Variants in ALCAM observed in about 807,000 individuals in gnomAD.
The protein encoded by ALCAM is CD166 antigen.
ALCAM carries 30 observed loss-of-function variants against 70.9 expected under a neutral mutation model. The observed-to-expected ratio is 0.42, with a 90% confidence interval of 0.32 to 0.57. The LOEUF (loss-of-function observed/expected upper bound fraction) is 0.57. Among genes scored for constraint, ALCAM ranks in the 20% least tolerant of loss-of-function variants. The pLI, the probability that ALCAM is intolerant of heterozygous loss-of-function variation, is 0.11. For synonymous variants in ALCAM, 249 were observed against 242.5 expected (o/e 1.03, Z -0.25); for missense variants, 591 against 695.1 (o/e 0.85, Z 1.68).
chr3:105,528,966 A>C (rs1032609448), intron 3 of ALCAM, among the ~76,000 whole-genome samples: 8 of 152,196 alleles, frequency 5.3e-5, no homozygotes, highest in Admixed American at 4.6e-4. Context: ...TGTTGCCATG[A>C]ATATCAGCTG....
chr3:105,500,493 T>G (rs1055712596), intron 1 of ALCAM, among the ~76,000 whole-genome samples: 1 of 152,316 alleles, frequency 6.6e-6, no homozygotes, highest in East Asian at 1.9e-4. Flanking sequence ...AAATTTAATA[T>G]ACGAAAGTTA....
In ALCAM at chr3:105,377,382, C is replaced by T. The variant is rs74335664; in HGVS notation, c.73+9901C>T. Among the ~76,000 whole-genome samples the T allele has an allele frequency of 7.6e-3, 1,159 of 152,126 alleles. 3 individuals carry two copies. Among genetic ancestry groups the T allele is most frequent in the Non-Finnish European group, 0.012 (819 of 67,940 alleles). ...CTTGGAAGTGAAGTTACTGAGTCAACGATGTGTTTTTCATTTAGAAAGAAA... is the reference window on the plus strand; with the variant it reads ...CTTGGAAGTGAAGTTACTGAGTCAATGATGTGTTTTTCATTTAGAAAGAAA... On this transcript the variant is annotated intron_variant, in intron 1 of 15. Coordinates refer to ENST00000306107, the MANE Select transcript of ALCAM (RefSeq NM_001627.4).
chr3:105,460,124 A>AT (rs1937583601), intron 1 of ALCAM, among the ~76,000 whole-genome samples: 1 of 152,068 alleles, frequency 6.6e-6, no homozygotes, highest in Admixed American at 6.6e-5. Context: ...TCTCTCTGGT[A>AT]TGACTAATTG....
At chr3:105,490,236 G>T (rs1938544056) in intron 1 of ALCAM, among the ~76,000 whole-genome samples, 1 of 152,170 alleles carries the variant, frequency 6.6e-6, no homozygotes, top group Non-Finnish European at 1.5e-5. Context: ...AATACCAACT[G>T]TTTGAAGTGT....
At chr3:105,430,269 T>C (rs13097669) in intron 1 of ALCAM, among the ~76,000 whole-genome samples, 106,993 of 151,780 alleles carry the variant, frequency 0.7, 38,006 homozygotes, top group East Asian at 0.93. Flanking sequence ...AAAATTCATA[T>C]TTTATTCAGT....
In ALCAM at chr3:105,533,551, T is replaced by C. The variant is rs369564690; in HGVS notation, c.460-52T>C. The C allele has an allele frequency of 3.7e-4, 558 of 1,524,936 alleles. 3 individuals carry two copies. In the African/African-American group the frequency reaches 6.9e-3, roughly 19 times the overall value. 94.5% of individuals were successfully genotyped at this position (1,524,936 alleles called of 1,614,324 possible). A position where few individuals can be genotyped will look rare whatever the true frequency, so the allele number is the denominator to read the frequency against. On this transcript the variant is annotated intron_variant, in intron 4 of 15. Transcript: ENST00000306107. Reference sequence around the variant, plus strand: ...TGCCTGAGTTTCTGGAGTTTCCAAATTGACAGCCCCTGATTGAACCAAGGT... The same window carrying C: ...TGCCTGAGTTTCTGGAGTTTCCAAACTGACAGCCCCTGATTGAACCAAGGT...
intron 1 of ALCAM, among the ~76,000 whole-genome samples, chr3:105,470,294 G>T (rs547587412): frequency 6.6e-6 from 1 of 150,756 alleles, no homozygotes; most frequent in East Asian, 1.9e-4. Flanking sequence ...GTCTCAGAAG[G>T]CTGCAATCAA....
chr3:105,480,936 G>A (rs914364838), intron 1 of ALCAM, among the ~76,000 whole-genome samples: 3 of 152,104 alleles, frequency 2.0e-5, no homozygotes, highest in Non-Finnish European at 4.4e-5. Flanking sequence ...GCACCAGAGA[G>A]TGAAATCCTG....
chr3:105,505,324 C>A (rs1487783744), intron 1 of ALCAM, among the ~76,000 whole-genome samples: 4 of 152,060 alleles, frequency 2.6e-5, no homozygotes, highest in African/African-American at 9.7e-5. Flanking sequence ...TGAAGAGGAA[C>A]CAGGGACATC....
At chr3:105,545,698 C>T (rs1017227029) in intron 9 of ALCAM, among the ~76,000 whole-genome samples, 1 of 151,380 alleles carries the variant, frequency 6.6e-6, no homozygotes, top group African/African-American at 2.4e-5. Flanking sequence ...TTTACAACAA[C>T]CCTGTGAAAT....
chr3:105,541,880 T>C, intron 8 of ALCAM, 115 bp downstream of exon 8: 1 of 1,234,794 alleles, frequency 8.1e-7, no homozygotes, highest in Non-Finnish European at 1.1e-6. Context: ...TTGGTTGCAA[T>C]AGATGCAGTA....
chr3:105,560,573 C>T (rs542253041), intron 14 of ALCAM, among the ~76,000 whole-genome samples: 28 of 152,160 alleles, frequency 1.8e-4, no homozygotes, highest in Admixed American at 7.9e-4. Flanking sequence ...CTATTATGTT[C>T]GTGCTTTTTG....
intron 1 of ALCAM, among the ~76,000 whole-genome samples, chr3:105,507,187 C>A (rs1559815050): frequency 6.6e-6 from 1 of 152,016 alleles, no homozygotes; most frequent in Non-Finnish European, 1.5e-5. Context: ...TGCCTCCCCA[C>A]CCCCTTGCCC....
intron 1 of ALCAM, among the ~76,000 whole-genome samples, chr3:105,491,619 C>T (rs921498151): frequency 3.3e-5 from 5 of 152,180 alleles, no homozygotes; most frequent in African/African-American, 1.2e-4. Flanking sequence ...TGCCAGATAA[C>T]CTAAATCATC....
At chr3:105,431,750 C>T (rs1936936871) in intron 1 of ALCAM, among the ~76,000 whole-genome samples, 1 of 152,018 alleles carries the variant, frequency 6.6e-6, no homozygotes, top group Non-Finnish European at 1.5e-5. Context: ...TTTTTGAAAT[C>T]AGTTTTCACC....
At chr3:105,563,667 C>CTTTTTTTTTTTTTTTTTTTTTTTTTT (rs749625480) in intron 14 of ALCAM, among the ~76,000 whole-genome samples, 2 of 52,046 alleles carry the variant, frequency 3.8e-5, no homozygotes, top group Non-Finnish European at 6.1e-5. Context: ...CCAAGCATTT[C>CTTTTTTTTTTTTTTTTTTTTTTTTTT]TTTTTTTTTT....
rs777687563 is a variant in ALCAM, at chr3:105,545,353, TA to T, written c.1104+19del. ...GGATGAAAGTAAGTAATATTTTTGGTACTACCCTGCTGTTTGGTTTGATTTC... is the reference window on the plus strand; with the variant it reads ...GGATGAAAGTAAGTAATATTTTTGGTCTACCCTGCTGTTTGGTTTGATTTC... On this transcript the variant is annotated intron_variant, in intron 9 of 15. Coordinates refer to ENST00000306107, the MANE Select transcript of ALCAM (RefSeq NM_001627.4). 1 of 1,553,284 alleles carries T rather than the reference TA, an allele frequency of 6.4e-7. No individual in the cohort carries two copies.
chr3:105,491,839 T>C (rs1371220573), intron 1 of ALCAM, among the ~76,000 whole-genome samples: 4 of 152,218 alleles, frequency 2.6e-5, no homozygotes, highest in Admixed American at 1.3e-4. Context: ...GTTCCAAACT[T>C]TCCCACATCT....
intron 15 of ALCAM, among the ~76,000 whole-genome samples, chr3:105,574,213 A>C (rs1344415219): frequency 2.6e-5 from 4 of 152,126 alleles, no homozygotes; most frequent in African/African-American, 9.7e-5. Flanking sequence ...CTAAAGAGAA[A>C]TGCAATGAAA....
Sources: gnomAD v4.1 joint callset for allele counts (sites outside exome capture counted in the v4.1 genomes callset) on GRCh38, gnomAD v4.1.1 for gene constraint, MANE v1.5 for transcripts, NCBI Gene and HGNC (gene_info 2026-07-23, HGNC 2026-07-21) for gene names.